Variants in ST6GALNAC3 observed in about 807,000 individuals in gnomAD.
ST6GALNAC3 encodes the protein alpha-N-acetylgalactosaminide alpha-2,6-sialyltransferase 3.
Under a neutral mutation model 32.7 loss-of-function variants are expected in ST6GALNAC3, and 25 were observed. That is an observed-to-expected ratio of 0.76 (90% confidence interval 0.56 to 1.07). The LOEUF (loss-of-function observed/expected upper bound fraction) is 1.07. Ranked by LOEUF, ST6GALNAC3 falls within the 50% of genes least tolerant of loss-of-function variation. ST6GALNAC3 has a pLI of 0.00. For missense variants in ST6GALNAC3, 355 were observed against 382.4 expected (o/e 0.93, Z 0.60); for synonymous variants, 129 against 133.1 (o/e 0.97, Z 0.21).
intron 1 of ST6GALNAC3, among the ~76,000 whole-genome samples, chr1:76,080,477 C>T (rs1490978898): frequency 6.6e-6 from 1 of 151,824 alleles, no homozygotes; most frequent in African/African-American, 2.4e-5. Flanking sequence ...TGTTACCATT[C>T]CTCATATAAA....
At chr1:76,397,397 G>C (rs922345766) in intron 2 of ST6GALNAC3, among the ~76,000 whole-genome samples, 2 of 131,384 alleles carry the variant, frequency 1.5e-5, no homozygotes, top group Admixed American at 8.5e-5. Flanking sequence ...CTGAGATGGA[G>C]TTTCACACTT....
chr1:76,236,227 C>A (rs2783988), intron 1 of ST6GALNAC3, among the ~76,000 whole-genome samples: 7 of 152,104 alleles, frequency 4.6e-5, no homozygotes, highest in African/African-American at 1.7e-4. Flanking sequence ...GGATTACAAG[C>A]CTGAGCTACC....
chr1:76,337,006 G>A (rs1647535328), intron 2 of ST6GALNAC3, among the ~76,000 whole-genome samples: 1 of 152,186 alleles, frequency 6.6e-6, no homozygotes, highest in Admixed American at 6.5e-5. Flanking sequence ...GAGACAAGCG[G>A]GGCTGACTTC....
At position 76,161,827 on chromosome 1, in the gene ST6GALNAC3, C is replaced by T. The variant is rs553853243; in HGVS notation, c.18+86943C>T. On this transcript the variant is annotated intron_variant, in intron 1 of 4. Transcript: ENST00000328299. Reference sequence around the variant, plus strand: ...CACCAGTTAAACACAGTGCCTCATGCTGGGTCTGTGTATTTCTACTGGGCT... The same window carrying T: ...CACCAGTTAAACACAGTGCCTCATGTTGGGTCTGTGTATTTCTACTGGGCT... 4.6e-5 allele frequency among the ~76,000 whole-genome samples: 7 copies of T among 152,312 alleles called. No individual in the cohort carries two copies. In the South Asian group the frequency reaches 1.5e-3, roughly 32 times the overall value.
At chr1:76,502,457 G>C (rs536164020) in intron 3 of ST6GALNAC3, among the ~76,000 whole-genome samples, 5 of 152,288 alleles carry the variant, frequency 3.3e-5, no homozygotes, top group African/African-American at 1.2e-4. Flanking sequence ...TGTCAGCAGA[G>C]TTGGTTCTTT....
chr1:76,563,845 CT>C (rs1665392300), intron 3 of ST6GALNAC3, among the ~76,000 whole-genome samples: 1 of 152,184 alleles, frequency 6.6e-6, no homozygotes, highest in Admixed American at 6.5e-5. Context: ...TTCTTTCTCC[CT>C]TCTGCCCCTC....
At chr1:76,255,473 G>A (rs1657868290) in intron 1 of ST6GALNAC3, among the ~76,000 whole-genome samples, 1 of 152,110 alleles carries the variant, frequency 6.6e-6, no homozygotes, top group African/African-American at 2.4e-5. Context: ...TCTGTCTGGA[G>A]AGAGAGAAAA....
intron 2 of ST6GALNAC3, among the ~76,000 whole-genome samples, chr1:76,353,209 C>T (rs11162128): frequency 0.28 from 42,390 of 152,044 alleles, 7,021 homozygotes; most frequent in East Asian, 0.65. Context: ...CCTTCTATTC[C>T]CTTAACATGC....
At chr1:76,497,694 A>G (rs1660937662) in intron 3 of ST6GALNAC3, among the ~76,000 whole-genome samples, 2 of 152,284 alleles carry the variant, frequency 1.3e-5, no homozygotes, top group African/African-American at 4.8e-5. Flanking sequence ...AGGTAGGTAT[A>G]CATATCCCAT....
chr1:76,293,918 G>A (rs545691031), intron 1 of ST6GALNAC3, among the ~76,000 whole-genome samples: 4 of 152,116 alleles, frequency 2.6e-5, no homozygotes, highest in Non-Finnish European at 5.9e-5. Context: ...CATAATTAAA[G>A]AGTGGAAGAA....
At chr1:76,356,542 T>C (rs1347310228) in intron 2 of ST6GALNAC3, among the ~76,000 whole-genome samples, 2 of 151,818 alleles carry the variant, frequency 1.3e-5, no homozygotes, top group Admixed American at 6.6e-5. Context: ...TTGGATTTGT[T>C]AATGTTGTTA....
chr1:76,230,448 A>G (rs1656307252), intron 1 of ST6GALNAC3, among the ~76,000 whole-genome samples: 1 of 152,186 alleles, frequency 6.6e-6, no homozygotes, highest in Admixed American at 6.5e-5. Flanking sequence ...TTATTTTCAA[A>G]TTATCTTTTA....
Position 76,314,007 on chromosome 1 carries a change from C to A in ST6GALNAC3, c.213+8C>A, listed in dbSNP as rs1483172689. 1 of 1,608,458 alleles carries A rather than the reference C, an allele frequency of 6.2e-7. No homozygotes were observed. Among genetic ancestry groups the A allele is most frequent in the East Asian group, 2.2e-5 (1 of 44,788 alleles). On this transcript the variant is annotated splice_region_variant and intron_variant, in intron 2 of 4. Coordinates refer to ENST00000328299, the MANE Select transcript of ST6GALNAC3 (RefSeq NM_152996.4). ...AATGTGAAGACACAAGAGGTAAGAT[C>A]CCAGAGGGTTACCTAGCAGTTGGAG...
chr1:76,311,152 C>A (rs947141961), intron 1 of ST6GALNAC3, among the ~76,000 whole-genome samples: 5 of 152,122 alleles, frequency 3.3e-5, no homozygotes, highest in African/African-American at 9.7e-5. Context: ...CTCATTACCT[C>A]TGTCCTAGGC....
chr1:76,212,566 A>G (rs186182089), intron 1 of ST6GALNAC3, among the ~76,000 whole-genome samples: 1 of 152,230 alleles, frequency 6.6e-6, no homozygotes, highest in Admixed American at 6.5e-5. Flanking sequence ...AGGAAAAAGC[A>G]CCTGACCTGT....
intron 3 of ST6GALNAC3, among the ~76,000 whole-genome samples, chr1:76,538,888 A>C (rs1376541866): frequency 6.6e-6 from 1 of 152,150 alleles, no homozygotes; most frequent in African/African-American, 2.4e-5. Flanking sequence ...AAATGGAAAA[A>C]CATTCCCTCC....
In ST6GALNAC3 at chr1:76,398,835, G is replaced by A. The variant is rs111833771; in HGVS notation, c.214-13173G>A. Reference sequence around the variant, plus strand: ...GTGTTAATGAAAAGTTTACACTCCCGTTTGTTGCCTGAGACTTCCAGTTGC... The same window carrying A: ...GTGTTAATGAAAAGTTTACACTCCCATTTGTTGCCTGAGACTTCCAGTTGC... On this transcript the variant is annotated intron_variant, in intron 2 of 4. Coordinates refer to ENST00000328299, the MANE Select transcript of ST6GALNAC3 (RefSeq NM_152996.4). Among the ~76,000 whole-genome samples, 341 of 152,248 alleles carry A rather than the reference G, an allele frequency of 2.2e-3. 4 individuals are homozygous for A. The highest frequency in any genetic ancestry group is 7.7e-3 in the African/African-American group (322 of 41,572).
At chr1:76,209,534 C>T (rs1655021165) in intron 1 of ST6GALNAC3, among the ~76,000 whole-genome samples, 1 of 152,154 alleles carries the variant, frequency 6.6e-6, no homozygotes, top group Admixed American at 6.5e-5. Context: ...AGCAGCTGTT[C>T]TGCTATAACT....
chr1:76,230,647 T>G (rs991448755), intron 1 of ST6GALNAC3, among the ~76,000 whole-genome samples: 3 of 152,210 alleles, frequency 2.0e-5, no homozygotes, highest in African/African-American at 7.2e-5. Flanking sequence ...TACCTATATA[T>G]GTATGTGTGT....
Sources: gnomAD v4.1 joint callset for allele counts (sites outside exome capture counted in the v4.1 genomes callset) on GRCh38, gnomAD v4.1.1 for gene constraint, MANE v1.5 for transcripts, NCBI Gene and HGNC (gene_info 2026-07-23, HGNC 2026-07-21) for gene names.